Variants in LRRC69 observed in about 807,000 individuals in gnomAD.
LRRC69 encodes leucine-rich repeat-containing protein 69.
LRRC69 carries 42 observed loss-of-function variants against 37.8 expected under a neutral mutation model. The observed-to-expected ratio is 1.11, with a 90% CI of 0.87 to 1.44. LRRC69 has a LOEUF of 1.44. Ranked by LOEUF, LRRC69 falls within the 40% of genes most tolerant of loss-of-function variation. The pLI, the probability that LRRC69 is intolerant of heterozygous loss-of-function variation, is 0.00. For missense variants in LRRC69, 357 were observed against 401.9 expected, an observed-to-expected ratio of 0.89 and a Z score of 0.96; for synonymous variants, 141 against 143.1, an observed-to-expected ratio of 0.99 and a Z score of 0.11.
chr8:91,172,284 A>T (rs1297442241), intron 5 of LRRC69, among the ~76,000 whole-genome samples: 1 of 152,024 alleles, frequency 6.6e-6, no homozygotes, highest in Non-Finnish European at 1.5e-5. Context: ...CTAGAAGTGT[A>T]AATGCTATCT....
intron 6 of LRRC69, among the ~76,000 whole-genome samples, chr8:91,197,329 A>G (rs2130623078): frequency 6.6e-6 from 1 of 152,302 alleles, no homozygotes; most frequent in African/African-American, 2.4e-5. Flanking sequence ...GGTGGAGCCT[A>G]CAGAGGCAGG....
chr8:91,192,673 G>A (rs1809520436), intron 6 of LRRC69, among the ~76,000 whole-genome samples: 1 of 152,156 alleles, frequency 6.6e-6, no homozygotes, highest in South Asian at 2.1e-4. Context: ...CATGTCCTTT[G>A]CCGAATTTTT....
rs910857955 is a variant in LRRC69 at position 91,113,730 on chromosome 8, AC to A, written c.184-10761del. Among the ~76,000 whole-genome samples, 8 of 151,864 alleles carry A rather than the reference AC, an allele frequency of 5.3e-5. No individual in the cohort carries two copies. In the East Asian group the frequency reaches 1.5e-3, roughly 29 times the overall value. Reference sequence around the variant, plus strand: ...ACAAATGGATAATTTAAAACTAAAAACCTGCACAGCAAAGGAAACAATCATC... The same window carrying A: ...ACAAATGGATAATTTAAAACTAAAAACTGCACAGCAAAGGAAACAATCATC... On this transcript the variant is annotated intron_variant, in intron 1 of 7. Transcript: ENST00000448384.
At chr8:91,208,393 C>T (rs1013875990) in intron 7 of LRRC69, among the ~76,000 whole-genome samples, 1 of 152,094 alleles carries the variant, frequency 6.6e-6, no homozygotes, top group Non-Finnish European at 1.5e-5. Flanking sequence ...AAGGACAGAA[C>T]CTTGGAGGGC....
At chr8:91,183,743 G>A (rs539740231) in intron 5 of LRRC69, among the ~76,000 whole-genome samples, 1 of 152,304 alleles carries the variant, frequency 6.6e-6, no homozygotes, top group Admixed American at 6.5e-5. Flanking sequence ...TAACTAGGTT[G>A]GAATTGTTGG....
At chr8:91,120,107 A>G (rs1258592695) in intron 1 of LRRC69, among the ~76,000 whole-genome samples, 1 of 151,852 alleles carries the variant, frequency 6.6e-6, no homozygotes, top group Non-Finnish European at 1.5e-5. Flanking sequence ...AGAATTGTCT[A>G]TTAGTTGTTG....
rs1813854913 is a variant in LRRC69, at chr8:91,133,849, G to A, written c.579+544G>A. On this transcript the variant is annotated intron_variant, in intron 4 of 7. Transcript: ENST00000448384. ...GGGCTTCACCATGCTGGTCAGGCTG[G>A]TCTCAAACTCCTGATCTCGTGATCC... 3.3e-5 allele frequency among the ~76,000 whole-genome samples: 5 copies of A among 151,920 alleles called. No individual in the cohort carries two copies. The South Asian group carries it at 1.0e-3, about 31-fold the overall frequency.
rs1228249708 is a variant in LRRC69 at position 91,103,275 on chromosome 8, AG to A, written c.183+434del. On this transcript the variant is annotated intron_variant, in intron 1 of 7. Coordinates refer to ENST00000448384, the Ensembl canonical transcript of LRRC69. ...ATGAAGAGACATTTAGGATGCAGCAAGGGAGTTCCTTTTCAATTTCCTAGGG... is the reference window on the plus strand; with the variant it reads ...ATGAAGAGACATTTAGGATGCAGCAAGGAGTTCCTTTTCAATTTCCTAGGG... Among the ~76,000 whole-genome samples, 366 of 152,286 alleles carry A rather than the reference AG, an allele frequency of 2.4e-3. 13 individuals are homozygous for A. The highest frequency in any genetic ancestry group is 5.6e-3 in the Admixed American group (85 of 15,284).
chr8:91,206,765 A>G (rs1169900468), intron 7 of LRRC69: 2 of 1,289,776 alleles, frequency 1.6e-6, no homozygotes, highest in East Asian at 5.6e-5. Flanking sequence ...TGCTCTGCTA[A>G]ATATGTCACC....
In LRRC69 at chr8:91,122,810, G is replaced by GGCAAAT. The variant is rs1813652289; in HGVS notation, c.184-1682_184-1677dup. Among the ~76,000 whole-genome samples, 2 of 151,982 alleles carry GGCAAAT rather than the reference G, an allele frequency of 1.3e-5. 1 individual carries two copies. The highest frequency in any genetic ancestry group is 4.1e-4 in the South Asian group (2 of 4,830). ...GAGACTGCAAATAGTCACTTTGATAGGCAAATAATGGACCCCCAAAGATGC... is the reference window on the plus strand; with the variant it reads ...GAGACTGCAAATAGTCACTTTGATAGGCAAATGCAAATAATGGACCCCCAAAGATGC... On this transcript the variant is annotated intron_variant, in intron 1 of 7. Transcript: ENST00000448384.
At chr8:91,191,044 C>T (rs4513932) in intron 6 of LRRC69, among the ~76,000 whole-genome samples, 9 of 116,292 alleles carry the variant, frequency 7.7e-5, no homozygotes, top group Admixed American at 3.3e-4. Flanking sequence ...GTCTCAAACC[C>T]CCCCCCCCCC....
At chr8:91,185,338 T>C (rs1404519058) in intron 5 of LRRC69, among the ~76,000 whole-genome samples, 1 of 147,098 alleles carries the variant, frequency 6.8e-6, no homozygotes, top group African/African-American at 2.5e-5. Context: ...TGTCTGTCTG[T>C]CTGTCTGTCT....
chr8:91,211,125 T>G (rs984415545), intron 7 of LRRC69, among the ~76,000 whole-genome samples: 1 of 152,078 alleles, frequency 6.6e-6, no homozygotes, highest in South Asian at 2.1e-4. Flanking sequence ...TAACTCAAAA[T>G]GTAGACTTAT....
chr8:91,114,913 G>T (rs967342908), intron 1 of LRRC69, among the ~76,000 whole-genome samples: 6 of 151,912 alleles, frequency 3.9e-5, no homozygotes, highest in African/African-American at 1.2e-4. Flanking sequence ...GATGAGCCTG[G>T]CAGACATTAT....
chr8:91,193,765 T>C (rs1412030964), intron 6 of LRRC69, among the ~76,000 whole-genome samples: 1 of 142,058 alleles, frequency 7.0e-6, no homozygotes, highest in African/African-American at 2.7e-5. Context: ...CAATGGGGTT[T>C]TCTAGTTATA....
intron 7 of LRRC69, chr8:91,205,525 G>A (rs145864185): frequency 1.2e-3 from 185 of 151,940 alleles, no homozygotes; most frequent in African/African-American, 4.2e-3. Flanking sequence ...CAGACAGCCT[G>A]ATAGACAGGA....
intron 3 of LRRC69, among the ~76,000 whole-genome samples, chr8:91,131,203 CA>C (rs1213820630): frequency 6.7e-6 from 1 of 149,312 alleles, no homozygotes; most frequent in African/African-American, 2.4e-5. Context: ...TAGGTCCTTT[CA>C]ATTTCCATAT....
chr8:91,124,639 A>G lies in LRRC69; in HGVS notation c.310+20A>G. 6.6e-7 allele frequency: 1 copy of G among 1,512,350 alleles called. No homozygotes were observed. Among genetic ancestry groups the G allele is most frequent in the Non-Finnish European group, 8.8e-7 (1 of 1,131,728 alleles). The allele number at this position is 1,512,350 out of a possible 1,614,324, so 93.7% of individuals were successfully genotyped here. A position where few individuals can be genotyped will look rare whatever the true frequency, so the allele number is the denominator to read the frequency against. On this transcript the variant is annotated intron_variant, in intron 2 of 7. Coordinates refer to ENST00000448384, the Ensembl canonical transcript of LRRC69. ...CCTGTGGTAATTTAATCAACAAGGA[A>G]CAACATTATAGCATCAAATTTAATC...
chr8:91,128,929 A>T (rs1813762429), intron 3 of LRRC69, among the ~76,000 whole-genome samples: 2 of 152,022 alleles, frequency 1.3e-5, no homozygotes, highest in South Asian at 4.1e-4. Flanking sequence ...GGTATATTTA[A>T]TGCAGAGGAG....
Sources: gnomAD v4.1 joint callset for allele counts (sites outside exome capture counted in the v4.1 genomes callset) on GRCh38, gnomAD v4.1.1 for gene constraint, MANE v1.5 for transcripts, NCBI Gene and HGNC (gene_info 2026-07-23, HGNC 2026-07-21) for gene names.